NRK: variants seen among roughly 807,000 people sequenced by gnomAD.
The protein encoded by NRK is nik-related protein kinase.
NRK carries 67 observed loss-of-function variants against 125.2 expected under a neutral mutation model. The observed-to-expected ratio is 0.54, with a 90% CI of 0.44 to 0.66. The LOEUF (loss-of-function observed/expected upper bound fraction) is 0.66, where lower values mean the gene tolerates loss of function less well. Ranked by LOEUF, NRK falls within the 30% of genes least tolerant of loss-of-function variation. NRK has a pLI of 0.00. For missense variants in NRK, 1,224 were observed against 1,192.9 expected, an observed-to-expected ratio of 1.03 and a Z score of -0.38; for synonymous variants, 458 against 429.0, an observed-to-expected ratio of 1.07 and a Z score of -0.84.
Position 105,955,507 on chromosome X carries a change from G to C in NRK, c.4656G>C (p.Leu1552=), listed in dbSNP as rs368120227. ...LRFLCTRGDK[L]FFTSTLRNHH... ...AGTGTATTTCTTTCTTTTTCAAGCTGTTCTTTACCTCTACCCTGCGCAATC... is the reference window on the plus strand; with the variant it reads ...AGTGTATTTCTTTCTTTTTCAAGCTCTTCTTTACCTCTACCCTGCGCAATC... The change falls in exon 29 of 29, where the codon CTG becomes CTC. Residue 1552 remains leucine (L), a splice_region_variant and synonymous_variant. Transcript: ENST00000243300. The C allele has an allele frequency of 2.3e-5, 27 of 1,167,116 alleles. No individual in the cohort carries two copies. In the East Asian group the frequency reaches 3.6e-4, roughly 16 times the overall value.
chrX:105,881,575 A>C, intron 3 of NRK, 133 bp from the exon 4 acceptor site: 1 of 383,802 alleles, frequency 2.6e-6, no homozygotes, highest in Non-Finnish European at 4.5e-6. Flanking sequence ...AATTAAAACT[A>C]TTGGAGAAAA....
chrX:105,954,754 T>A (rs2040951579), intron 28 of NRK, among the ~76,000 whole-genome samples: 1 of 111,437 alleles, frequency 9.0e-6, no homozygotes, highest in Non-Finnish European at 1.9e-5. Flanking sequence ...GTGCATATTT[T>A]GTTATAATTT....
At chrX:105,883,140 TC>T (rs776802001) in intron 4 of NRK, among the ~76,000 whole-genome samples, 8 of 112,135 alleles carry the variant, frequency 7.1e-5, no homozygotes, top group Non-Finnish European at 1.1e-4. Context: ...ACCCACTTGG[TC>T]TGATGGATAT....
At chrX:105,944,704 G>A (rs58225635) in intron 24 of NRK, among the ~76,000 whole-genome samples, 21,488 of 110,938 alleles carry the variant, frequency 0.19, 1,552 homozygotes, top group Middle Eastern at 0.31. Context: ...ACCCTTGGAG[G>A]AAAAAGGAGG....
chrX:105,860,252 T>G (rs1186695878), intron 2 of NRK, among the ~76,000 whole-genome samples: 1 of 111,449 alleles, frequency 9.0e-6, no homozygotes, highest in Non-Finnish European at 1.9e-5. Context: ...CTTGCTTCAG[T>G]GTCCAGAGAT....
chrX:105,935,239 T>C lies in NRK; in HGVS notation c.3569T>C (p.Leu1190Pro). ...KQPSEVNVNP[L>P]YVSPACKKPL... is the part of the protein sequence containing the mutation. ...CCCTCTGAAGTCAATGTTAACCCAC[T>C]CTATGTCTCTCCTGCATGTAAAAAA... Residue 1190 changes from leucine (L) to proline (P), a missense_variant, in exon 21 of 29, where the codon CTC (leucine) becomes CCC (proline). Physicochemically the swap from Leu to Pro is moderately conservative, Grantham distance 98. Coordinates refer to ENST00000243300, the MANE Select transcript of NRK (RefSeq NM_198465.4). 2.5e-6 allele frequency: 3 copies of C among 1,188,491 alleles called. No individual in the cohort carries two copies. Among genetic ancestry groups the C allele is most frequent in the Non-Finnish European group, 3.4e-6 (3 of 874,804 alleles).
intron 2 of NRK, among the ~76,000 whole-genome samples, chrX:105,856,374 T>G (rs2039532041): frequency 8.9e-6 from 1 of 112,049 alleles, no homozygotes; most frequent in East Asian, 2.8e-4. Flanking sequence ...TGTCATAGGG[T>G]TAGTGCTCAT....
intron 23 of NRK, among the ~76,000 whole-genome samples, chrX:105,941,117 A>G (rs1329178761): frequency 8.9e-6 from 1 of 111,829 alleles, no homozygotes; most frequent in Non-Finnish European, 1.9e-5. Context: ...TCAGGAGTTT[A>G]TATAGCAAAA....
chrX:105,827,637 C>T (rs2039132525), intron 1 of NRK, among the ~76,000 whole-genome samples: 1 of 112,019 alleles, frequency 8.9e-6, no homozygotes, highest in South Asian at 3.8e-4. Flanking sequence ...TTTCAGTGGG[C>T]AGCCAGACTA....
chrX:105,839,067 G>A (rs1459387536), intron 2 of NRK, among the ~76,000 whole-genome samples: 2 of 110,897 alleles, frequency 1.8e-5, no homozygotes, highest in African/African-American at 3.3e-5. Context: ...AAGGAATGTT[G>A]TCCTCAAAGT....
intron 26 of NRK, chrX:105,948,636 G>T: frequency 2.0e-6 from 1 of 493,653 alleles, no homozygotes; most frequent in Non-Finnish European, 3.6e-6. Flanking sequence ...TGATTCAATT[G>T]CTCATGCAAG....
intron 2 of NRK, among the ~76,000 whole-genome samples, chrX:105,852,884 A>G (rs1043215602): frequency 9.8e-5 from 11 of 111,890 alleles, no homozygotes; most frequent in African/African-American, 2.9e-4. Flanking sequence ...CCTATATCTT[A>G]ACAGTCTTGA....
intron 24 of NRK, among the ~76,000 whole-genome samples, chrX:105,944,789 C>G (rs960323324): frequency 1.2e-4 from 13 of 111,740 alleles, no homozygotes; most frequent in Non-Finnish European, 2.1e-4. Flanking sequence ...AGTCTATATT[C>G]TTTCCAAGCT....
chrX:105,905,726 A>G (rs1222309577), intron 10 of NRK, among the ~76,000 whole-genome samples: 1 of 112,363 alleles, frequency 8.9e-6, no homozygotes, highest in Non-Finnish European at 1.9e-5. Context: ...GACCTAGAGC[A>G]GAAGACTTGT....
intron 7 of NRK, among the ~76,000 whole-genome samples, chrX:105,896,209 A>G (rs2040080868): frequency 1.8e-5 from 2 of 112,136 alleles, no homozygotes; most frequent in South Asian, 7.4e-4. Flanking sequence ...ATAAATATCA[A>G]TAGTTTTTAG....
chrX:105,891,048 C>T (rs1481561983), intron 5 of NRK, among the ~76,000 whole-genome samples: 1 of 111,716 alleles, frequency 9.0e-6, no homozygotes, highest in Admixed American at 9.5e-5. Flanking sequence ...TAAATAATGA[C>T]TGGATAAGGA....
chrX:105,880,370 C>T (rs1301641682), intron 3 of NRK, 115 bp downstream of exon 3: 2 of 281,332 alleles, frequency 7.1e-6, no homozygotes, highest in Admixed American at 6.4e-5. Context: ...ATAATTATTA[C>T]ATCAATCTGG....
intron 2 of NRK, among the ~76,000 whole-genome samples, chrX:105,878,350 G>A (rs1302056895): frequency 9.0e-6 from 1 of 111,165 alleles, no homozygotes; most frequent in Non-Finnish European, 1.9e-5. Flanking sequence ...GTTTAAAACT[G>A]TTTTATTATA....
At chrX:105,953,298 C>A in intron 28 of NRK, 125 bp downstream of exon 28, 1 of 501,371 alleles carries the variant, frequency 2.0e-6, no homozygotes, top group Non-Finnish European at 2.9e-6. Context: ...TTCAAACTGG[C>A]ATACTATTGA....
Sources: allele counts gnomAD v4.1 joint callset (sites outside exome capture counted in the v4.1 genomes callset), GRCh38; gene constraint gnomAD v4.1.1; transcripts MANE v1.5; gene names NCBI Gene and HGNC (gene_info 2026-07-23, HGNC 2026-07-21).